Variants in BRAF observed in about 807,000 individuals in gnomAD.
BRAF encodes B-Raf proto-oncogene, serine/threonine kinase, also known as serine/threonine-protein kinase B-raf.
A neutral mutation model predicts 104.6 loss-of-function variants in BRAF; 16 were observed. The ratio of observed to expected loss-of-function variants is 0.15; its 90% CI spans 0.10 to 0.23. The LOEUF is 0.23. Among genes scored for constraint, BRAF ranks in the 10% least tolerant of loss-of-function variants. BRAF has a pLI of 1.00. For synonymous variants in BRAF, 310 were observed against 341.6 expected (o/e 0.91, Z 1.02); for missense variants, 541 against 937.3 (o/e 0.58, Z 5.52).
downstream of BRAF, among the ~76,000 whole-genome samples, chr7:140,718,945 G>A (rs1795199937): frequency 6.6e-6 from 1 of 152,166 alleles, no homozygotes; most frequent in South Asian, 2.1e-4. Context: ...GCTGTCAAAA[G>A]TTTGAAAAAA....
intron 1 of BRAF, among the ~76,000 whole-genome samples, chr7:140,855,831 C>T (rs1025755738): frequency 2.6e-5 from 4 of 151,338 alleles, no homozygotes; most frequent in Non-Finnish European, 4.4e-5. Flanking sequence ...ACCAGCCTGG[C>T]CAACAAGGCA....
At chr7:140,898,134 G>A (rs1441990816) in intron 1 of BRAF, among the ~76,000 whole-genome samples, 2 of 152,150 alleles carry the variant, frequency 1.3e-5, no homozygotes, top group African/African-American at 4.8e-5. Context: ...GGAGGCTGCA[G>A]TGAGCTATGA....
chr7:140,777,219 A>T (rs1250012050), intron 13 of BRAF, 131 bp from the exon 13 acceptor site: 2 of 904,202 alleles, frequency 2.2e-6, no homozygotes, highest in African/African-American at 3.4e-5. Flanking sequence ...AAAGGCAACA[A>T]AAGGATACAT....
chr7:140,820,130 TACAG>T (rs1326563655), intron 3 of BRAF, among the ~76,000 whole-genome samples: 17 of 152,324 alleles, frequency 1.1e-4, no homozygotes, highest in Admixed American at 3.3e-4. Context: ...ACAACTGTCA[TACAG>T]ACAAACAATA....
chr7:140,834,484 T>C, intron 3 of BRAF, 125 bp downstream of exon 3: 1 of 1,301,184 alleles, frequency 7.7e-7, no homozygotes, highest in Non-Finnish European at 1.1e-6. Context: ...TTCATTCCTG[T>C]ATGACATGGA....
intron 3 of BRAF, among the ~76,000 whole-genome samples, chr7:140,811,699 G>A (rs1390723862): frequency 6.6e-6 from 1 of 152,142 alleles, no homozygotes; most frequent in Non-Finnish European, 1.5e-5. Context: ...AAAAAATTTA[G>A]TTTGGTGCAA....
chr7:140,787,491 C>T (rs2129031476), intron 9 of BRAF, 57 bp downstream of exon 9: 1 of 1,508,186 alleles, frequency 6.6e-7, no homozygotes, highest in South Asian at 1.1e-5. Flanking sequence ...AGGAAATAAG[C>T]AGCAAAGCAA....
chr7:140,736,361 G>A lies in BRAF; in HGVS notation c.2248-1591C>T, dbSNP rs541981828. 1.3e-4 allele frequency among the ~76,000 whole-genome samples: 19 copies of A among 151,686 alleles called. No homozygotes were observed. The South Asian group carries it at 1.5e-3, about 12-fold the overall frequency. On this transcript the variant is annotated intron_variant, in intron 18 of 19. Transcript: ENST00000644969. ...TGGGATTACAGGTGTGAGTCACTGC[G>A]CCTGGCCTCTTCAGTACCTTTTTTT... is the stretch of plus-strand genomic sequence containing the variant.
intron 1 of BRAF, among the ~76,000 whole-genome samples, chr7:140,893,315 T>C (rs1305198902): frequency 1.3e-5 from 2 of 151,394 alleles, no homozygotes; most frequent in Non-Finnish European, 2.9e-5. Flanking sequence ...AGTGGCGCGA[T>C]CTCAGCTCAC....
At chr7:140,804,129 C>T (rs749211475) in intron 5 of BRAF, among the ~76,000 whole-genome samples, 25 of 152,116 alleles carry the variant, frequency 1.6e-4, no homozygotes, top group Middle Eastern at 6.8e-3. Flanking sequence ...TCAAGTGATC[C>T]GCCTGCCTCG....
chr7:140,827,359 G>A (rs986052357), intron 3 of BRAF, among the ~76,000 whole-genome samples: 1 of 152,138 alleles, frequency 6.6e-6, no homozygotes, highest in African/African-American at 2.4e-5. Context: ...GTGCCTGAGT[G>A]CTATTACCAC....
chr7:140,830,490 G>A (rs1389595531), intron 3 of BRAF, among the ~76,000 whole-genome samples: 1 of 152,110 alleles, frequency 6.6e-6, no homozygotes, highest in East Asian at 1.9e-4. Flanking sequence ...ATTTGTCTTT[G>A]ACCTTGGTTC....
chr7:140,882,426 A>G (rs1813032556), intron 1 of BRAF, among the ~76,000 whole-genome samples: 1 of 131,632 alleles, frequency 7.6e-6, no homozygotes, highest in African/African-American at 3.0e-5. Flanking sequence ...CCCAGGTTGG[A>G]GGGCAGAGGC....
intron 1 of BRAF, among the ~76,000 whole-genome samples, chr7:140,901,430 TAAAG>T (rs1815619548): frequency 6.6e-6 from 1 of 152,156 alleles, no homozygotes; most frequent in Non-Finnish European, 1.5e-5. Flanking sequence ...AAAAAGGAAT[TAAAG>T]AAGTCTTCCT....
chr7:140,719,434 T>G lies in BRAF; in HGVS notation c.*7060A>C. On this transcript the variant is annotated 3_prime_UTR_variant, in exon 20 of 20. Coordinates refer to ENST00000644969, the MANE Select transcript of BRAF (RefSeq NM_001374258.1). ...TATATAATACAGTTTTTAAATAACT[T>G]TACACAGAAATAAATTTCTTCAATC... 1 of 1,009,708 alleles carries G rather than the reference T, an allele frequency of 9.9e-7. No individual in the cohort carries two copies. The highest frequency in any genetic ancestry group is 1.2e-6 in the Non-Finnish European group (1 of 836,940). 62.5% of individuals were successfully genotyped at this position (1,009,708 alleles called of 1,614,324 possible).
chr7:140,893,134 A>G (rs1347600545), intron 1 of BRAF, among the ~76,000 whole-genome samples: 1 of 152,156 alleles, frequency 6.6e-6, no homozygotes, highest in African/African-American at 2.4e-5. Context: ...TGGAGGAGTG[A>G]TGTATTCCCA....
intron 9 of BRAF, among the ~76,000 whole-genome samples, chr7:140,787,174 G>A (rs1274562797): frequency 1.3e-5 from 2 of 151,676 alleles, no homozygotes; most frequent in African/African-American, 4.8e-5. Context: ...GGTAGCAGGC[G>A]CCTGTAGTCC....
chr7:140,914,648 T>A (rs996166111), intron 1 of BRAF, among the ~76,000 whole-genome samples: 5 of 151,914 alleles, frequency 3.3e-5, no homozygotes, highest in Non-Finnish European at 5.9e-5. Context: ...ATAAAGGCAA[T>A]AACTGCTTGC....
chr7:140,914,964 CGGGGGG>C lies in BRAF; in HGVS notation c.138+9596_138+9601del, dbSNP rs770152135. 1.3e-3 allele frequency among the ~76,000 whole-genome samples: 13 copies of C among 10,384 alleles called. 2 individuals are homozygous for C. In the South Asian group the frequency reaches 0.021, roughly 17 times the overall value. 6.8% of individuals were successfully genotyped at this position (10,384 alleles called of 152,430 possible). On this transcript the variant is annotated intron_variant, in intron 1 of 19. Coordinates refer to ENST00000644969, the MANE Select transcript of BRAF (RefSeq NM_001374258.1). ...CTGAGGCAGGAGAATCACTTGAACC[CGGGGGG>C]GGGGGGGGGCGGAGGTTGCAATGAG...
Sources: allele counts gnomAD v4.1 joint callset (sites outside exome capture counted in the v4.1 genomes callset), GRCh38; gene constraint gnomAD v4.1.1; transcripts MANE v1.5; gene names NCBI Gene and HGNC (gene_info 2026-07-23, HGNC 2026-07-21).